Variants in SLC4A4 observed in about 807,000 individuals in gnomAD.
SLC4A4 encodes the protein electrogenic sodium bicarbonate cotransporter 1.
A neutral mutation model predicts 111.5 loss-of-function variants in SLC4A4; 27 were observed. That is an observed-to-expected ratio of 0.24 (90% confidence interval 0.18 to 0.33). The LOEUF is 0.33. SLC4A4 is among the 10% of genes least tolerant of loss of function. The pLI is 1.00. For synonymous variants in SLC4A4, 443 were observed against 463.4 expected (o/e 0.96, Z 0.57); for missense variants, 909 against 1,315.5 (o/e 0.69, Z 4.78).
At chr4:71,563,439 G>A (rs1341227888) in intron 23 of SLC4A4, among the ~76,000 whole-genome samples, 1 of 151,780 alleles carries the variant, frequency 6.6e-6, no homozygotes, top group Non-Finnish European at 1.5e-5. Flanking sequence ...AACCTGGGAA[G>A]TTTCCTATGT....
intron 24 of SLC4A4, among the ~76,000 whole-genome samples, chr4:71,565,012 T>C (rs1197254630): frequency 3.3e-5 from 5 of 151,682 alleles, no homozygotes; most frequent in Admixed American, 6.6e-5. Context: ...GAAGACTATT[T>C]TTTTTTTTTC....
intron 14 of SLC4A4, among the ~76,000 whole-genome samples, chr4:71,480,310 G>C (rs1728760040): frequency 6.6e-6 from 1 of 151,326 alleles, no homozygotes; most frequent in African/African-American, 2.4e-5. Context: ...TTGCCTAGTT[G>C]TGGTGAAAAT....
chr4:71,457,092 G>A (rs1255631788), intron 12 of SLC4A4, among the ~76,000 whole-genome samples: 1 of 152,172 alleles, frequency 6.6e-6, no homozygotes, highest in East Asian at 1.9e-4. Flanking sequence ...TGAAAACACA[G>A]ATGAGTCACT....
chr4:71,504,653 T>C (rs1197220953), intron 16 of SLC4A4, among the ~76,000 whole-genome samples: 12 of 130,018 alleles, frequency 9.2e-5, no homozygotes, highest in Admixed American at 4.6e-4. Flanking sequence ...TGAAGACTTA[T>C]TGTGTTTCAT....
intron 2 of SLC4A4, among the ~76,000 whole-genome samples, chr4:71,096,944 AT>A (rs1265709063): frequency 1.3e-5 from 2 of 152,250 alleles, no homozygotes; most frequent in East Asian, 3.8e-4. Flanking sequence ...AGTGGATTGT[AT>A]AACTATAAAC....
In SLC4A4 at chr4:71,466,589, C is replaced by T; in HGVS notation, c.1631+12C>T. On this transcript the variant is annotated intron_variant, in intron 13 of 25. Coordinates refer to ENST00000264485, the MANE Select transcript of SLC4A4 (RefSeq NM_001098484.3). ...TTTAATTTCAGCAAGTATGTACATACATATTTAATTGCAAATTAGAATTGC... is the reference window on the plus strand; with the variant it reads ...TTTAATTTCAGCAAGTATGTACATATATATTTAATTGCAAATTAGAATTGC... The T allele has an allele frequency of 6.2e-7, 1 of 1,612,056 alleles. No homozygotes were observed. Among genetic ancestry groups the T allele is most frequent in the Non-Finnish European group, 8.5e-7 (1 of 1,178,518 alleles).
In SLC4A4 at chr4:71,472,805, T is replaced by G. The variant is rs1577986862; in HGVS notation, c.1738T>G (p.Phe580Val). Residue 580 changes from phenylalanine (F) to valine (V), a missense_variant, in exon 14 of 26, where the codon TTC becomes GTC. Phe to Val is a conservative substitution (Grantham distance 50). This residue lies in a region of SLC4A4 where 264 missense variants were observed against 356.8 expected (regional missense o/e 0.74). Coordinates refer to ENST00000264485, the MANE Select transcript of SLC4A4 (RefSeq NM_001098484.3). ...TGATGCCAGCTTCTTGGTTCAATAC[T>G]TCACACGTTTCACGGAGGAGGGCTT... is the stretch of plus-strand genomic sequence containing the variant. ...ATDASFLVQY[F>V]TRFTEEGFSS... is the part of the protein sequence containing the mutation. 1 of 1,612,968 alleles carries G rather than the reference T, an allele frequency of 6.2e-7. No individual in the cohort carries two copies. The highest frequency in any genetic ancestry group is 1.1e-5 in the South Asian group (1 of 91,036).
Position 71,450,400 on chromosome 4 carries a change from C to T in SLC4A4, c.1065C>T (p.Asp355=). The T allele has an allele frequency of 6.2e-7, 1 of 1,608,014 alleles. No individual in the cohort carries two copies. Among genetic ancestry groups the T allele is most frequent in the Non-Finnish European group, 8.5e-7 (1 of 1,174,524 alleles). ...TTATTATTCTTTAGGTGTTCCATGA[C>T]ATTGCTTATAAAGCAAAAGACAGGC... is the stretch of plus-strand genomic sequence containing the variant. ...ATLMSDEVFH[D]IAYKAKDRHD... Residue 355 remains aspartate (D), a synonymous_variant, in exon 10 of 26, where the codon GAC becomes GAT. Transcript: ENST00000264485.
chr4:71,348,495 C>T (rs1729527798), intron 4 of SLC4A4, among the ~76,000 whole-genome samples: 1 of 152,070 alleles, frequency 6.6e-6, no homozygotes, highest in Admixed American at 6.6e-5. Flanking sequence ...ATCTCCCTTC[C>T]TGCATTTTTG....
intron 2 of SLC4A4, among the ~76,000 whole-genome samples, chr4:71,170,067 C>T (rs894422954): frequency 1.3e-5 from 2 of 152,196 alleles, no homozygotes; most frequent in African/African-American, 2.4e-5. Flanking sequence ...CCAACATGCT[C>T]TGCATGGCTG....
rs1189587483 is a variant in SLC4A4 at position 71,440,726 on chromosome 4, G to A, written c.918G>A (p.Gln306=). 1 of 1,614,140 alleles carries A rather than the reference G, an allele frequency of 6.2e-7. No homozygotes were observed. Among genetic ancestry groups the A allele is most frequent in the African/African-American group, 1.3e-5 (1 of 75,050 alleles). The change falls in exon 8 of 26, where the codon CAG becomes CAA. Residue 306 remains glutamine (Q), a synonymous_variant. Coordinates refer to ENST00000264485, the MANE Select transcript of SLC4A4 (RefSeq NM_001098484.3). ...CTTTCATTGCCTTTGTTAGGCTACAGCAGGCTGTCATGCTGGGTGCCCTGA... is the reference window on the plus strand; with the variant it reads ...CTTTCATTGCCTTTGTTAGGCTACAACAGGCTGTCATGCTGGGTGCCCTGA... ...DTPFIAFVRL[Q]QAVMLGALTE...
chr4:71,335,660 C>G (rs1354288976), intron 3 of SLC4A4, among the ~76,000 whole-genome samples: 1 of 152,016 alleles, frequency 6.6e-6, no homozygotes, highest in Non-Finnish European at 1.5e-5. Flanking sequence ...CCCGTCTCTA[C>G]TAAAAATACA....
intron 14 of SLC4A4, among the ~76,000 whole-genome samples, chr4:71,474,919 C>G (rs1304139688): frequency 2.6e-5 from 4 of 151,610 alleles, no homozygotes; most frequent in Non-Finnish European, 5.9e-5. Context: ...CCCAGAGAAA[C>G]ACAGATGTTA....
intron 6 of SLC4A4, among the ~76,000 whole-genome samples, chr4:71,385,418 G>A (rs973375394): frequency 2.6e-5 from 4 of 151,276 alleles, no homozygotes; most frequent in African/African-American, 7.3e-5. Flanking sequence ...GGCTGCTCTC[G>A]AACTACTGAC....
intron 2 of SLC4A4, among the ~76,000 whole-genome samples, chr4:71,111,367 T>C (rs1743079279): frequency 6.6e-6 from 1 of 152,064 alleles, no homozygotes; most frequent in Non-Finnish European, 1.5e-5. Flanking sequence ...TTAATCTCTA[T>C]TTATTTATTT....
intron 15 of SLC4A4, among the ~76,000 whole-genome samples, chr4:71,488,190 CA>C: frequency 6.7e-6 from 1 of 149,614 alleles, no homozygotes; most frequent in Non-Finnish European, 1.5e-5. Flanking sequence ...TTAATAAAAA[CA>C]TAAGTTAATT....
intron 2 of SLC4A4, among the ~76,000 whole-genome samples, chr4:71,096,992 C>T (rs1342822470): frequency 3.3e-5 from 5 of 152,146 alleles, no homozygotes; most frequent in African/African-American, 4.8e-5. Flanking sequence ...TGACAAAATA[C>T]ATATAACATA....
chr4:71,542,213 C>T (rs1227144680), intron 18 of SLC4A4, among the ~76,000 whole-genome samples: 2 of 152,080 alleles, frequency 1.3e-5, no homozygotes. Context: ...TGAAATTTGG[C>T]AAAATAAATT....
chr4:71,488,248 G>T (rs922144057), intron 15 of SLC4A4, among the ~76,000 whole-genome samples: 13 of 151,400 alleles, frequency 8.6e-5, no homozygotes, highest in African/African-American at 3.1e-4. Context: ...CTTAAGAAAA[G>T]AAATTGTTAT....
Sources: allele counts gnomAD v4.1 joint callset (sites outside exome capture counted in the v4.1 genomes callset), GRCh38; gene constraint gnomAD v4.1.1; regional missense constraint gnomAD v4.1.1; transcripts MANE v1.5; gene names NCBI Gene and HGNC (gene_info 2026-07-23, HGNC 2026-07-21).